Variants in HS6ST3 observed in about 807,000 individuals in gnomAD.
HS6ST3 encodes the protein heparan sulfate 6-O-sulfotransferase 3.
Under a neutral mutation model 36.7 loss-of-function variants are expected in HS6ST3, and 12 were observed. That is an observed-to-expected ratio of 0.33 (90% CI 0.21 to 0.53). The LOEUF is 0.53. Ranked by LOEUF, HS6ST3 falls within the 20% of genes least tolerant of loss-of-function variation. The probability of loss-of-function intolerance (pLI) is 0.95; values close to 1 mark genes in which losing one functional copy is unlikely to be tolerated. For synonymous variants in HS6ST3, 240 were observed against 257.5 expected, an observed-to-expected ratio of 0.93 and a Z score of 0.65; for missense variants, 584 against 640.9, an observed-to-expected ratio of 0.91 and a Z score of 0.96.
Position 96,627,363 on chromosome 13 carries a change from A to T in HS6ST3, c.708-205127A>T, listed in dbSNP as rs77015999. ...TTTCTAACAATCTTGTATTCATGGA[A>T]TGAAGACAACTTGGCTATGTTGAGC... On this transcript the variant is annotated intron_variant, in intron 1 of 1. Coordinates refer to ENST00000376705, the MANE Select transcript of HS6ST3 (RefSeq NM_153456.4). Among the ~76,000 whole-genome samples, 391 of 152,170 alleles carry T rather than the reference A, an allele frequency of 2.6e-3. 1 individual carries two copies. The highest frequency in any genetic ancestry group is 8.9e-3 in the African/African-American group (369 of 41,592).
chr13:96,175,607 C>A (rs1465549047), intron 1 of HS6ST3, among the ~76,000 whole-genome samples: 1 of 148,610 alleles, frequency 6.7e-6, no homozygotes, highest in Non-Finnish European at 1.5e-5. Flanking sequence ...ATGAACTTTT[C>A]TCACATACTT....
chr13:96,572,797 A>G (rs1271204562), intron 1 of HS6ST3, among the ~76,000 whole-genome samples: 1 of 152,174 alleles, frequency 6.6e-6, no homozygotes, highest in African/African-American at 2.4e-5. Flanking sequence ...CAAGGGCAAT[A>G]TTCTAACACA....
chr13:96,820,095 G>T (rs990027700), intron 1 of HS6ST3, among the ~76,000 whole-genome samples: 19 of 151,220 alleles, frequency 1.3e-4, no homozygotes, highest in Admixed American at 1.3e-3. Flanking sequence ...AAAAAAAAAA[G>T]AAAAATGCTT....
intron 1 of HS6ST3, among the ~76,000 whole-genome samples, chr13:96,748,898 T>G (rs1464551545): frequency 6.6e-6 from 1 of 152,172 alleles, no homozygotes; most frequent in Non-Finnish European, 1.5e-5. Context: ...TCATTTGAGT[T>G]GGCACTTGAT....
At chr13:96,139,355 A>C (rs2054017953) in intron 1 of HS6ST3, among the ~76,000 whole-genome samples, 1 of 152,018 alleles carries the variant, frequency 6.6e-6, no homozygotes, top group South Asian at 2.1e-4. Flanking sequence ...CAAAGGAAAG[A>C]ATACATGAAA....
chr13:96,484,051 C>T (rs2138900040), intron 1 of HS6ST3, among the ~76,000 whole-genome samples: 1 of 152,156 alleles, frequency 6.6e-6, no homozygotes, highest in Non-Finnish European at 1.5e-5. Flanking sequence ...GATCAGTTGA[C>T]TATATTTATA....
chr13:96,666,392 C>G (rs1287401628), intron 1 of HS6ST3, among the ~76,000 whole-genome samples: 1 of 152,098 alleles, frequency 6.6e-6, no homozygotes. Flanking sequence ...TCTTCTATCC[C>G]TTTATTATTC....
intron 1 of HS6ST3, among the ~76,000 whole-genome samples, chr13:96,161,388 C>T (rs923233409): frequency 6.6e-6 from 1 of 151,986 alleles, no homozygotes; most frequent in African/African-American, 2.4e-5. Flanking sequence ...TCAGCAAAGG[C>T]GGGAAACGTG....
chr13:96,725,032 G>A (rs1022099679), intron 1 of HS6ST3, among the ~76,000 whole-genome samples: 5 of 152,054 alleles, frequency 3.3e-5, no homozygotes, highest in Admixed American at 6.6e-5. Flanking sequence ...CAATTACTCC[G>A]CATTGTCCCG....
intron 1 of HS6ST3, among the ~76,000 whole-genome samples, chr13:96,352,747 G>A: frequency 6.6e-6 from 1 of 152,128 alleles, no homozygotes; most frequent in South Asian, 2.1e-4. Flanking sequence ...TCTGAGAATA[G>A]CCAGAAAATG....
At chr13:96,409,800 C>A (rs1271989543) in intron 1 of HS6ST3, among the ~76,000 whole-genome samples, 1 of 151,736 alleles carries the variant, frequency 6.6e-6, no homozygotes, top group Non-Finnish European at 1.5e-5. Flanking sequence ...ATCTGTGAGG[C>A]CTGAAAATGA....
intron 1 of HS6ST3, among the ~76,000 whole-genome samples, chr13:96,709,373 A>G (rs1289527548): frequency 1.3e-5 from 2 of 152,200 alleles, no homozygotes; most frequent in Admixed American, 1.3e-4. Flanking sequence ...CACGACTACA[A>G]TTTCTTTGAG....
Position 96,833,333 on chromosome 13 carries a change from T to A in HS6ST3, c.*135T>A, listed in dbSNP as rs1365097378. On this transcript the variant is annotated 3_prime_UTR_variant, in exon 2 of 2. Transcript: ENST00000376705. ...CTTGATTTGGACATCTTCTTCCTTC[T>A]TTGTCTTCATTTTTATCCAGCTGGA... The A allele has an allele frequency of 3.1e-6, 2 of 649,942 alleles. No individual in the cohort carries two copies. Among genetic ancestry groups the A allele is most frequent in the Non-Finnish European group, 2.6e-6 (1 of 391,586 alleles). 40.3% of individuals were successfully genotyped at this position (649,942 alleles called of 1,614,324 possible). A position where few individuals can be genotyped will look rare whatever the true frequency, so the allele number is the denominator to read the frequency against.
chr13:96,597,668 G>C (rs2056406729), intron 1 of HS6ST3, among the ~76,000 whole-genome samples: 1 of 151,736 alleles, frequency 6.6e-6, no homozygotes, highest in Non-Finnish European at 1.5e-5. Flanking sequence ...TTCTTTTGCT[G>C]TGTTTTTCAG....
At chr13:96,764,659 TCA>T (rs1877051260) in intron 1 of HS6ST3, among the ~76,000 whole-genome samples, 2 of 152,212 alleles carry the variant, frequency 1.3e-5, no homozygotes, top group African/African-American at 2.4e-5. Flanking sequence ...AACCTTTCCT[TCA>T]CACTTTCTGT....
At chr13:96,311,578 T>C (rs1329057892) in intron 1 of HS6ST3, among the ~76,000 whole-genome samples, 1 of 152,188 alleles carries the variant, frequency 6.6e-6, no homozygotes, top group African/African-American at 2.4e-5. Context: ...AATGCCCAAG[T>C]GTTGGCTAGA....
chr13:96,324,336 G>A lies in HS6ST3; in HGVS notation c.707+232767G>A, dbSNP rs191691971. ...AAATGCTGTGATCTCCAGCACACCC[G>A]GAGAGCATAGCGTCCTGGAAATCAA... On this transcript the variant is annotated intron_variant, in intron 1 of 1. Coordinates refer to ENST00000376705, the MANE Select transcript of HS6ST3 (RefSeq NM_153456.4). Among the ~76,000 whole-genome samples, 53 of 152,186 alleles carry A rather than the reference G, an allele frequency of 3.5e-4. No homozygotes were observed. In the Middle Eastern group the frequency reaches 0.01, roughly 29 times the overall value.
chr13:96,433,337 A>G (rs906773892), intron 1 of HS6ST3, among the ~76,000 whole-genome samples: 7 of 152,106 alleles, frequency 4.6e-5, no homozygotes, highest in African/African-American at 1.7e-4. Context: ...ACAGGAATTG[A>G]TATGGTTTGG....
At chr13:96,660,019 C>T (rs2139018620) in intron 1 of HS6ST3, among the ~76,000 whole-genome samples, 1 of 152,142 alleles carries the variant, frequency 6.6e-6, no homozygotes, top group African/African-American at 2.4e-5. Flanking sequence ...TTACTTAATC[C>T]TTTAAGGCTT....
Sources: gnomAD v4.1 joint callset for allele counts (sites outside exome capture counted in the v4.1 genomes callset) on GRCh38, gnomAD v4.1.1 for gene constraint, MANE v1.5 for transcripts, NCBI Gene and HGNC (gene_info 2026-07-23, HGNC 2026-07-21) for gene names.